TRIM36: variants seen among roughly 807,000 people sequenced by gnomAD.
TRIM36 encodes the protein tripartite motif containing 36.
A neutral mutation model predicts 72.4 loss-of-function variants in TRIM36; 42 were observed. The ratio of observed to expected loss-of-function variants is 0.58; its 90% confidence interval spans 0.45 to 0.75. TRIM36 has a LOEUF of 0.75. Ranked by LOEUF, TRIM36 falls within the 30% of genes least tolerant of loss-of-function variation. The pLI is 0.00. For missense variants in TRIM36, 913 were observed against 857.1 expected (o/e 1.07, Z -0.81); for synonymous variants, 315 against 282.8 (o/e 1.11, Z -1.14).
chr5:115,126,991 C>A lies in TRIM36; in HGVS notation c.1797-134G>T, dbSNP rs1222821885. The A allele has an allele frequency of 5.4e-6, 5 of 921,410 alleles. No individual in the cohort carries two copies. The East Asian group carries it at 8.0e-5, about 15-fold the overall frequency. 57.1% of individuals were successfully genotyped at this position (921,410 alleles called of 1,614,324 possible). Reference sequence around the variant, plus strand: ...CAAAAGCTTTCTATTAAAACAAAATCAAAAACATAAAAATGACACATTACA... The same window carrying A: ...CAAAAGCTTTCTATTAAAACAAAATAAAAAACATAAAAATGACACATTACA... On this transcript the variant is annotated intron_variant, in intron 9 of 9. Coordinates refer to ENST00000513154, the MANE Select transcript of TRIM36 (RefSeq NM_001300759.2).
At chr5:115,177,727 A>G (rs375172015) in intron 1 of TRIM36, 6 of 1,613,926 alleles carry the variant, frequency 3.7e-6, no homozygotes, top group Non-Finnish European at 5.1e-6. Flanking sequence ...TCCAACCCCC[A>G]CAAAACAGAG....
intron 7 of TRIM36, among the ~76,000 whole-genome samples, 164 bp from the exon 8 acceptor site, chr5:115,134,311 A>G (rs1490277624): frequency 6.6e-6 from 1 of 151,824 alleles, no homozygotes; most frequent in Non-Finnish European, 1.5e-5. Flanking sequence ...TAAATATATT[A>G]AATATTTTTT....
rs559786739 is a variant in TRIM36 at position 115,152,006 on chromosome 5, G to A, written c.263-4612C>T. ...AAAATCACACTAGCTCACCAGCAAG[G>A]GACCCAAACAAGAAGAAATCCTTGA... On this transcript the variant is annotated intron_variant, in intron 2 of 9. Coordinates refer to ENST00000513154, the MANE Select transcript of TRIM36 (RefSeq NM_001300759.2). Among the ~76,000 whole-genome samples, 7 of 152,022 alleles carry A rather than the reference G, an allele frequency of 4.6e-5. No individual in the cohort carries two copies. The South Asian group carries it at 1.5e-3, about 32-fold the overall frequency.
At chr5:115,164,328 A>G (rs1230774784) in intron 1 of TRIM36, among the ~76,000 whole-genome samples, 1 of 152,208 alleles carries the variant, frequency 6.6e-6, no homozygotes, top group Non-Finnish European at 1.5e-5. Flanking sequence ...TATCAAAGCA[A>G]TTATCTTAAA....
Position 115,130,732 on chromosome 5 carries a change from A to G in TRIM36, c.1656T>C (p.Ile552=). Residue 552 remains isoleucine (I), a synonymous_variant, in exon 9 of 10, where the codon ATT becomes ATC. Coordinates refer to ENST00000513154, the MANE Select transcript of TRIM36 (RefSeq NM_001300759.2). ...VGYYTSLDYI[I]GDTGITKGKH... ...TTCCTTTTGTAATGCCAGTATCTCC[A>G]ATGATGTAGTCTAAGCTTGTGTAAT... 2.5e-6 allele frequency: 4 copies of G among 1,614,114 alleles called. No individual in the cohort carries two copies. The highest frequency in any genetic ancestry group is 1.7e-4 in the Middle Eastern group (1 of 6,060).
intron 5 of TRIM36, among the ~76,000 whole-genome samples, chr5:115,141,053 T>C (rs1180521213): frequency 1.3e-5 from 2 of 152,218 alleles, no homozygotes; most frequent in Non-Finnish European, 1.5e-5. Flanking sequence ...TTTTTCCCTC[T>C]GTGTTCCAAT....
chr5:115,166,545 C>G (rs1174891841), intron 1 of TRIM36, among the ~76,000 whole-genome samples: 2 of 152,196 alleles, frequency 1.3e-5, no homozygotes, highest in Non-Finnish European at 2.9e-5. Flanking sequence ...AATAAAGCAC[C>G]TTGTTCACCC....
chr5:115,134,234 G>T, intron 7 of TRIM36, 87 bp from the exon 8 acceptor site: 1 of 1,240,616 alleles, frequency 8.1e-7, no homozygotes, highest in Non-Finnish European at 1.1e-6. Flanking sequence ...CATATAAACA[G>T]TATTTAATGA....
intron 1 of TRIM36, among the ~76,000 whole-genome samples, chr5:115,165,281 T>A (rs887815577): frequency 3.9e-5 from 6 of 152,218 alleles, no homozygotes; most frequent in Admixed American, 3.3e-4. Context: ...GGGGACTCTG[T>A]GTGGCGGCTT....
At chr5:115,158,306 TAA>T (rs2112888557) in intron 2 of TRIM36, among the ~76,000 whole-genome samples, 1 of 152,318 alleles carries the variant, frequency 6.6e-6, no homozygotes, top group South Asian at 2.1e-4. Context: ...GAAGGTAGAT[TAA>T]AAAGTCAGCA....
chr5:115,166,006 C>T (rs1463652280), intron 1 of TRIM36, among the ~76,000 whole-genome samples: 1 of 152,094 alleles, frequency 6.6e-6, no homozygotes, highest in Non-Finnish European at 1.5e-5. Context: ...CGCTGATGAA[C>T]GTGGGAGGGA....
intron 2 of TRIM36, among the ~76,000 whole-genome samples, chr5:115,156,640 A>G (rs969263592): frequency 6.6e-6 from 1 of 152,194 alleles, no homozygotes; most frequent in African/African-American, 2.4e-5. Flanking sequence ...CTGGATCGTC[A>G]TCTCTCACCT....
chr5:115,143,471 G>A (rs528513618), intron 4 of TRIM36, among the ~76,000 whole-genome samples: 3 of 151,720 alleles, frequency 2.0e-5, no homozygotes, highest in Admixed American at 6.6e-5. Context: ...AGGCATGCAA[G>A]GTAGCAGAGA....
upstream of TRIM36, chr5:115,171,319 A>G: frequency 6.5e-7 from 1 of 1,534,052 alleles, no homozygotes; most frequent in Non-Finnish European, 8.9e-7. Flanking sequence ...CAGAGGACGA[A>G]AGCTTTGCCA....
rs781268866 is a variant in TRIM36 at position 115,126,493 on chromosome 5, G to A, written c.*10C>T. ...ACAGTTTTTATCCTGAGTCACATCA[G>A]ATGTTTCAACTACATGTCCTCTTGG... On this transcript the variant is annotated 3_prime_UTR_variant, in exon 10 of 10. Coordinates refer to ENST00000513154, the MANE Select transcript of TRIM36 (RefSeq NM_001300759.2). 6.9e-6 allele frequency: 11 copies of A among 1,596,492 alleles called. No homozygotes were observed. In the South Asian group the frequency reaches 1.2e-4, roughly 18 times the overall value.
chr5:115,130,977 G>C, intron 8 of TRIM36, 88 bp from the exon 9 acceptor site: 1 of 1,426,894 alleles, frequency 7.0e-7, no homozygotes, highest in Non-Finnish European at 9.3e-7. Context: ...AGAAATTACT[G>C]AAGAGAGACA....
chr5:115,140,143 A>T (rs1249746918), intron 5 of TRIM36, among the ~76,000 whole-genome samples: 1 of 152,246 alleles, frequency 6.6e-6, no homozygotes, highest in Non-Finnish European at 1.5e-5. Flanking sequence ...ATTAAAAACA[A>T]AAGCACTGCT....
At chr5:115,157,550 G>A (rs1389868232) in intron 2 of TRIM36, among the ~76,000 whole-genome samples, 1 of 151,982 alleles carries the variant, frequency 6.6e-6, no homozygotes, top group East Asian at 1.9e-4. Flanking sequence ...AGCGACAACA[G>A]CGAAACTCTA....
Position 115,144,619 on chromosome 5 carries a change from G to C in TRIM36, c.714C>G (p.Ser238Arg). ...NHANHRVTTM[S>R]SAYKTLKEKL... ...CTACCTTTAAGGTTTTGTAGGCACT[G>C]CTCATAGTGGTTACACGGTGGTTGG... Residue 238 changes from serine to arginine, a missense_variant, in exon 4 of 10, where the codon AGC becomes AGG. Ser to Arg is a moderately radical substitution (Grantham distance 110). Transcript: ENST00000513154. 1 of 1,613,984 alleles carries C rather than the reference G, an allele frequency of 6.2e-7. No homozygotes were observed. The highest frequency in any genetic ancestry group is 8.5e-7 in the Non-Finnish European group (1 of 1,180,006).
Sources: allele counts gnomAD v4.1 joint callset (sites outside exome capture counted in the v4.1 genomes callset), GRCh38; gene constraint gnomAD v4.1.1; transcripts MANE v1.5; gene names NCBI Gene and HGNC (gene_info 2026-07-23, HGNC 2026-07-21).